The following ENTPD1 variants were observed in gnomAD, a reference collection of about 807,000 sequenced individuals.
ENTPD1 encodes ectonucleoside triphosphate diphosphohydrolase 1.
A neutral mutation model predicts 57.0 loss-of-function variants in ENTPD1; 33 were observed. That is an observed-to-expected ratio of 0.58 (90% CI 0.44 to 0.77). ENTPD1 has a LOEUF of 0.77. Ranked by LOEUF, ENTPD1 falls within the 30% of genes least tolerant of loss-of-function variation. ENTPD1 has a pLI of 0.00. For synonymous variants in ENTPD1, 202 were observed against 218.8 expected (o/e 0.92, Z 0.68); for missense variants, 501 against 603.4 (o/e 0.83, Z 1.78).
At chr10:95,780,135 C>T (rs903744708) in intron 1 of ENTPD1, among the ~76,000 whole-genome samples, 4 of 152,164 alleles carry the variant, frequency 2.6e-5, no homozygotes, top group African/African-American at 9.6e-5. Flanking sequence ...GCATACTTCT[C>T]ATCTTTAACA....
Position 95,869,765 on chromosome 10 carries a change from C to T in ENTPD1, c.*3382C>T, listed in dbSNP as rs2098478492. On this transcript the variant is annotated 3_prime_UTR_variant, in exon 10 of 10. Transcript: ENST00000371205. ...TATGGTACACTCAAACTGGGTAACACAGGAGAGTTTTCAGAAAGCAACTAA... is the reference window on the plus strand; with the variant it reads ...TATGGTACACTCAAACTGGGTAACATAGGAGAGTTTTCAGAAAGCAACTAA... The T allele has an allele frequency of 2.4e-6, 2 of 817,886 alleles. No individual in the cohort carries two copies. The highest frequency in any genetic ancestry group is 1.1e-4 in the South Asian group (2 of 17,806). The allele number at this position is 817,886 out of a possible 1,614,324, so 50.7% of individuals were successfully genotyped here. A position where few individuals can be genotyped will look rare whatever the true frequency, so the allele number is the denominator to read the frequency against.
At chr10:95,768,470 T>C (rs1269136841) in intron 1 of ENTPD1, among the ~76,000 whole-genome samples, 2 of 151,258 alleles carry the variant, frequency 1.3e-5, no homozygotes, top group Admixed American at 1.3e-4. Context: ...TCTCTTTCCC[T>C]CTCTTTCTTC....
chr10:95,803,120 A>G (rs1179017978), intron 1 of ENTPD1, among the ~76,000 whole-genome samples: 1 of 152,212 alleles, frequency 6.6e-6, no homozygotes, highest in African/African-American at 2.4e-5. Flanking sequence ...TAATAGGAAT[A>G]GCATTGAATC....
intron 1 of ENTPD1, among the ~76,000 whole-genome samples, chr10:95,725,079 T>G (rs2086587674): frequency 6.6e-6 from 1 of 152,174 alleles, no homozygotes. Context: ...TCCTTTCTAT[T>G]GATATATTGT....
intron 5 of ENTPD1, 148 bp downstream of exon 5, chr10:95,844,783 A>C: frequency 7.7e-6 from 8 of 1,040,356 alleles, no homozygotes; most frequent in Non-Finnish European, 1.2e-5. Context: ...ATTTACTCTC[A>C]CATTTGTAAG....
At chr10:95,812,207 T>G (rs948908709) in intron 1 of ENTPD1, among the ~76,000 whole-genome samples, 5 of 152,264 alleles carry the variant, frequency 3.3e-5, no homozygotes, top group African/African-American at 1.2e-4. Flanking sequence ...ATATTTCTAT[T>G]ATTTCCAAAA....
chr10:95,782,794 CTA>C (rs2098163059), intron 1 of ENTPD1, among the ~76,000 whole-genome samples: 1 of 152,166 alleles, frequency 6.6e-6, no homozygotes, highest in African/African-American at 2.4e-5. Flanking sequence ...AATTGATTCT[CTA>C]AAAGTTCTAA....
At position 95,723,979 on chromosome 10, in the gene ENTPD1, G is replaced by A. The variant is rs554297526; in HGVS notation, c.37+11986G>A. ...GGTCGAGACCATCTTGGCTAACACGGTGAAACCCTGTCTCTATTAAAAATA... is the reference window on the plus strand; with the variant it reads ...GGTCGAGACCATCTTGGCTAACACGATGAAACCCTGTCTCTATTAAAAATA... On this transcript the variant is annotated intron_variant, in intron 1 of 9. Transcript: ENST00000453258. Among the ~76,000 whole-genome samples, 5 of 152,024 alleles carry A rather than the reference G, an allele frequency of 3.3e-5. No individual in the cohort carries two copies. In the South Asian group the frequency reaches 1.0e-3, roughly 32 times the overall value.
intron 1 of ENTPD1, among the ~76,000 whole-genome samples, chr10:95,765,211 T>C (rs1416747153): frequency 6.6e-6 from 1 of 152,230 alleles, no homozygotes; most frequent in East Asian, 1.9e-4. Flanking sequence ...ATTCAATCTA[T>C]AGTTTCTTTG....
the ENTPD1 span, among the ~76,000 whole-genome samples, chr10:95,704,381 T>C: frequency 1.3e-5 from 2 of 152,176 alleles, no homozygotes; most frequent in African/African-American, 4.8e-5. Flanking sequence ...CTACTAGATA[T>C]CACATCTTAT....
At chr10:95,742,337 G>A (rs188697101) in intron 1 of ENTPD1, among the ~76,000 whole-genome samples, 17 of 151,988 alleles carry the variant, frequency 1.1e-4, no homozygotes, top group East Asian at 3.9e-4. Context: ...GGGTAACCCC[G>A]TCTGGAGAAG....
At position 95,870,146 on chromosome 10, in the gene ENTPD1, A is replaced by G. The variant is rs1025686553; in HGVS notation, c.*3763A>G. 1.5e-5 allele frequency: 15 copies of G among 985,300 alleles called. No individual in the cohort carries two copies. The African/African-American group carries it at 1.9e-4, about 13-fold the overall frequency. The allele number at this position is 985,300 out of a possible 1,614,324, so 61.0% of individuals were successfully genotyped here. On this transcript the variant is annotated 3_prime_UTR_variant, in exon 10 of 10. Transcript: ENST00000371205. Reference sequence around the variant, plus strand: ...ATTCCTCAGGTTTTGTTGCCTTCCCATGAAGATGTGAAGGCAGGGATGCCT... The same window carrying G: ...ATTCCTCAGGTTTTGTTGCCTTCCCGTGAAGATGTGAAGGCAGGGATGCCT...
At chr10:95,713,010 G>A (rs2097967490) in intron 1 of ENTPD1, among the ~76,000 whole-genome samples, 1 of 149,850 alleles carries the variant, frequency 6.7e-6, no homozygotes, top group South Asian at 2.1e-4. Context: ...CTCCAGACTG[G>A]GCGACAGAGC....
intron 2 of ENTPD1, chr10:95,833,889 T>A (rs1244733075): frequency 6.6e-6 from 1 of 152,242 alleles, no homozygotes; most frequent in African/African-American, 2.4e-5. Flanking sequence ...CCCATTTAAT[T>A]GTGGCATTAA....
At chr10:95,786,661 C>T (rs2098181187) in intron 1 of ENTPD1, among the ~76,000 whole-genome samples, 1 of 152,154 alleles carries the variant, frequency 6.6e-6, no homozygotes, top group African/African-American at 2.4e-5. Context: ...GAAAAAGTTT[C>T]AGCATATCTT....
rs34841311 is a variant in ENTPD1, at chr10:95,731,781, CTTTTTTTTTTT to C, written c.37+19799_37+19809del. Among the ~76,000 whole-genome samples the C allele has an allele frequency of 3.8e-5, 3 of 79,180 alleles. No homozygotes were observed. In the South Asian group the frequency reaches 1.7e-3, roughly 44 times the overall value. The allele number at this position is 79,180 out of a possible 152,430, so 51.9% of individuals were successfully genotyped here. A position where few individuals can be genotyped will look rare whatever the true frequency, so the allele number is the denominator to read the frequency against. On this transcript the variant is annotated intron_variant, in intron 1 of 9. Coordinates refer to the ENTPD1 transcript ENST00000453258. ...GGTAAGAATTAGAGGAGTGGACATC[CTTTTTTTTTTT>C]TTTTTTTTTTGACAGAGTCTTGCTC...
At chr10:95,726,040 G>A (rs1225062151) in intron 1 of ENTPD1, among the ~76,000 whole-genome samples, 3 of 152,170 alleles carry the variant, frequency 2.0e-5, no homozygotes, top group Non-Finnish European at 2.9e-5. Context: ...TATGGGTAGA[G>A]ACTAAAGGGG....
At chr10:95,742,894 T>C (rs1202413723) in intron 1 of ENTPD1, among the ~76,000 whole-genome samples, 1 of 152,228 alleles carries the variant, frequency 6.6e-6, no homozygotes, top group Non-Finnish European at 1.5e-5. Flanking sequence ...TACAGAAAAG[T>C]TATGAAGATA....
chr10:95,839,940 C>A, intron 3 of ENTPD1, 132 bp downstream of exon 3: 1 of 843,822 alleles, frequency 1.2e-6, no homozygotes, highest in Non-Finnish European at 2.0e-6. Flanking sequence ...AGTGCAGCTG[C>A]TGTTGTTATG....
Sources: allele counts gnomAD v4.1 joint callset (sites outside exome capture counted in the v4.1 genomes callset), GRCh38; gene constraint gnomAD v4.1.1; transcripts MANE v1.5; gene names NCBI Gene and HGNC (gene_info 2026-07-23, HGNC 2026-07-21).